Variants in MPDZ observed in about 807,000 individuals in gnomAD.
MPDZ encodes multiple PDZ domain crumbs cell polarity complex component, also known as multiple PDZ domain protein.
Under a neutral mutation model 239.1 loss-of-function variants are expected in MPDZ, and 234 were observed. That is an observed-to-expected ratio of 0.98 (90% CI 0.88 to 1.09). The LOEUF (loss-of-function observed/expected upper bound fraction) is 1.09, where lower values mean the gene tolerates loss of function less well. MPDZ is among the 50% of genes least tolerant of loss of function. The probability of loss-of-function intolerance (pLI) is 0.00; values close to 1 mark genes in which losing one functional copy is unlikely to be tolerated. For missense variants in MPDZ, 3,175 were observed against 2,510.0 expected, an observed-to-expected ratio of 1.26 and a Z score of -5.66; for synonymous variants, 1,048 against 881.3, an observed-to-expected ratio of 1.19 and a Z score of -3.35.
At chr9:13,194,741 T>C (rs1045495553) in intron 13 of MPDZ, among the ~76,000 whole-genome samples, 1 of 152,106 alleles carries the variant, frequency 6.6e-6, no homozygotes, top group Non-Finnish European at 1.5e-5. Flanking sequence ...GTCTGAGCTC[T>C]GATGCCTACA....
chr9:13,123,138 C>A lies in MPDZ; in HGVS notation c.4953+15G>T. 12 of 1,608,458 alleles carry A rather than the reference C, an allele frequency of 7.5e-6. No homozygotes were observed. Among genetic ancestry groups the A allele is most frequent in the African/African-American group, 1.3e-5 (1 of 74,904 alleles). ...AAGGACGGCCTGTACAGAAGCACCTCTGGGTGGTGCTCACCAGCAGCGTGT... is the reference window on the plus strand; with the variant it reads ...AAGGACGGCCTGTACAGAAGCACCTATGGGTGGTGCTCACCAGCAGCGTGT... On this transcript the variant is annotated intron_variant, in intron 36 of 46. Coordinates refer to ENST00000319217, the MANE Select transcript of MPDZ (RefSeq NM_001378778.1).
At chr9:13,209,689 C>G (rs1241375671) in intron 10 of MPDZ, among the ~76,000 whole-genome samples, 1 of 151,984 alleles carries the variant, frequency 6.6e-6, no homozygotes, top group African/African-American at 2.4e-5. Context: ...AACTTACTAT[C>G]AAAATAGTTC....
intron 29 of MPDZ, 98 bp from the exon 30 acceptor site, chr9:13,136,901 T>A: frequency 1.6e-6 from 1 of 606,146 alleles, no homozygotes; most frequent in Non-Finnish European, 2.8e-6. Flanking sequence ...TTTCTTCCTT[T>A]AAAATATATT....
At chr9:13,236,227 A>G (rs61047009) in intron 3 of MPDZ, among the ~76,000 whole-genome samples, 1,280 of 24,862 alleles carry the variant, frequency 0.051, 33 homozygotes, top group African/African-American at 0.063. Context: ...GTGTGTGTGT[A>G]TATGTATATG....
chr9:13,242,126 A>G (rs1443977469), intron 3 of MPDZ, among the ~76,000 whole-genome samples: 1 of 152,102 alleles, frequency 6.6e-6, no homozygotes, highest in Non-Finnish European at 1.5e-5. Flanking sequence ...ATTATTTTAA[A>G]GAACAATTAC....
chr9:13,115,391 A>T, intron 39 of MPDZ, 57 bp from the exon 40 acceptor site: 2 of 1,373,126 alleles, frequency 1.5e-6, no homozygotes, highest in Non-Finnish European at 2.1e-6. Context: ...TGCTATAATC[A>T]TCTTTAGGAA....
Position 13,113,015 on chromosome 9 carries a change from T to A in MPDZ, c.5597A>T (p.Lys1866Ile), listed in dbSNP as rs1305620185. The change falls in exon 42 of 47, where the codon AAA (lysine) becomes ATA (isoleucine). Residue 1866 changes from lysine to isoleucine, a missense_variant. Physicochemically the swap from Lys to Ile is moderately radical, Grantham distance 102. Coordinates refer to ENST00000319217, the MANE Select transcript of MPDZ (RefSeq NM_001378778.1). ...EIQGLRTVEM[K>I]KGPTDSLGIS... is the part of the protein sequence containing the mutation. ...TGTTTTCTCTCCCCAAGTTACCTTT[T>A]TCATTTCGACTGTTCTTAATCCCTG... 6.3e-7 allele frequency: 1 copy of A among 1,584,856 alleles called. No homozygotes were observed. Among genetic ancestry groups the A allele is most frequent in the Admixed American group, 1.8e-5 (1 of 56,022 alleles).
chr9:13,117,289 T>C (rs1177475801), intron 39 of MPDZ, among the ~76,000 whole-genome samples: 4 of 152,110 alleles, frequency 2.6e-5, no homozygotes, highest in African/African-American at 4.8e-5. Context: ...CATGACACTT[T>C]GGGAGGCCGA....
chr9:13,117,656 T>C (rs952242680), intron 39 of MPDZ, among the ~76,000 whole-genome samples: 5 of 152,168 alleles, frequency 3.3e-5, no homozygotes, highest in African/African-American at 1.2e-4. Context: ...TTCCCACTAT[T>C]ACAAATAACA....
At chr9:13,224,846 T>C (rs1960023988) in intron 3 of MPDZ, among the ~76,000 whole-genome samples, 1 of 152,082 alleles carries the variant, frequency 6.6e-6, no homozygotes, top group Non-Finnish European at 1.5e-5. Flanking sequence ...AACTTCAGGG[T>C]ACTCATTAAA....
chr9:13,184,424 T>G (rs1330829860), intron 18 of MPDZ, among the ~76,000 whole-genome samples: 2 of 151,940 alleles, frequency 1.3e-5, no homozygotes, highest in African/African-American at 4.8e-5. Flanking sequence ...AATTTTTTTT[T>G]TGTAATTTCA....
chr9:13,265,863 T>C (rs1276728264), intron 1 of MPDZ, among the ~76,000 whole-genome samples: 2 of 152,128 alleles, frequency 1.3e-5, no homozygotes, highest in Non-Finnish European at 2.9e-5. Context: ...GACAAAACTG[T>C]GGAACTAGGA....
At position 13,176,291 on chromosome 9, in the gene MPDZ, C is replaced by T. The variant is rs144992780; in HGVS notation, c.2776G>A (p.Ala926Thr). 144 of 1,610,370 alleles carry T rather than the reference C, an allele frequency of 8.9e-5. No individual in the cohort carries two copies. In the East Asian group the frequency reaches 1.9e-3, roughly 22 times the overall value. ...TPSVDISMGP[A>T]SGFTINDYTP... ...TAGTCATTTATAGTAAAGCCAGAAG[C>T]AGGCCCCATACTTATGTCCACCGAA... Residue 926 changes from alanine to threonine, a missense_variant, in exon 20 of 47, where the codon GCT becomes ACT. Physicochemically the swap from Ala to Thr is moderately conservative, Grantham distance 58. Transcript: ENST00000319217.
intron 3 of MPDZ, 52 bp downstream of exon 3, chr9:13,247,583 C>G: frequency 6.5e-7 from 1 of 1,545,114 alleles, no homozygotes; most frequent in Admixed American, 1.8e-5. Context: ...ACAAGCCTTT[C>G]ACAAGATCTA....
intron 8 of MPDZ, among the ~76,000 whole-genome samples, chr9:13,217,906 T>C (rs1958566976): frequency 6.6e-6 from 1 of 151,848 alleles, no homozygotes; most frequent in African/African-American, 2.4e-5. Flanking sequence ...CCTTCTCTAA[T>C]GTGTAGAGTT....
intron 23 of MPDZ, among the ~76,000 whole-genome samples, chr9:13,160,004 A>G (rs1266404051): frequency 1.3e-5 from 2 of 152,162 alleles, no homozygotes; most frequent in Non-Finnish European, 2.9e-5. Context: ...ATATCTGCAA[A>G]TATGTACCAG....
At chr9:13,222,513 G>T in intron 5 of MPDZ, 67 bp from the exon 6 acceptor site, 1 of 1,253,626 alleles carries the variant, frequency 8.0e-7, no homozygotes, top group Non-Finnish European at 1.2e-6. Context: ...AGCTTCTTTG[G>T]CATGTATGTT....
rs1206281023 is a variant in MPDZ, at chr9:13,175,767, C to T, written c.3040G>A (p.Gly1014Ser). The T allele has an allele frequency of 1.9e-6, 3 of 1,570,208 alleles. No individual in the cohort carries two copies. The highest frequency in any genetic ancestry group is 2.6e-6 in the Non-Finnish European group (3 of 1,155,908). ...AGAAACTTACCTAGGCTAGAATTGCCTTTTGCTATATTAATAGTCCTTTCA... is the reference window on the plus strand; with the variant it reads ...AGAAACTTACCTAGGCTAGAATTGCTTTTTGCTATATTAATAGTCCTTTCA... ...SFERTINIAK[G>S]NSSLGMTVSA... The change falls in exon 21 of 47, where the codon GGC (glycine) becomes AGC (serine). Residue 1014 changes from glycine (G) to serine (S), a missense_variant. Physicochemically the swap from Gly to Ser is moderately conservative, Grantham distance 56 (BLOSUM62 0). Transcript: ENST00000319217.
chr9:13,224,855 A>C (rs140672649), intron 3 of MPDZ, among the ~76,000 whole-genome samples: 6 of 152,236 alleles, frequency 3.9e-5, no homozygotes, highest in African/African-American at 1.4e-4. Context: ...GTACTCATTA[A>C]AACACACCCA....
Sources: gnomAD v4.1 joint callset for allele counts (sites outside exome capture counted in the v4.1 genomes callset) on GRCh38, gnomAD v4.1.1 for gene constraint, MANE v1.5 for transcripts, NCBI Gene and HGNC (gene_info 2026-07-23, HGNC 2026-07-21) for gene names.